The following SPTBN4 variants were observed in gnomAD, a reference collection of about 807,000 sequenced individuals.
SPTBN4 encodes the protein spectrin beta, non-erythrocytic 4, also known as spectrin beta chain, non-erythrocytic 4.
Under a neutral mutation model 277.8 loss-of-function variants are expected in SPTBN4, and 96 were observed. The observed-to-expected ratio is 0.35, with a 90% confidence interval of 0.29 to 0.41. The LOEUF is 0.41. Among genes scored for constraint, SPTBN4 ranks in the 10% least tolerant of loss-of-function variants. The pLI is 1.00. For missense variants in SPTBN4, 3,006 were observed against 3,595.7 expected, an observed-to-expected ratio of 0.84 and a Z score of 4.19; for synonymous variants, 1,481 against 1,580.3, an observed-to-expected ratio of 0.94 and a Z score of 1.49.
In SPTBN4 at chr19:40,499,563, A is replaced by AT. The variant is rs1026469535; in HGVS notation, c.784+1972dup. Among the ~76,000 whole-genome samples, 757 of 140,450 alleles carry AT rather than the reference A, an allele frequency of 5.4e-3. 7 individuals carry two copies. Among genetic ancestry groups the AT allele is most frequent in the African/African-American group, 0.017 (636 of 38,448 alleles). The allele number at this position is 140,450 out of a possible 152,430, so 92.1% of individuals were successfully genotyped here. ...CACGACCATGCTCAGCTAATTTTTG[A>AT]TTTTTTTTTTTTTGGTAGAGGTGGG... On this transcript the variant is annotated intron_variant, in intron 7 of 35. Transcript: ENST00000598249.
At chr19:40,550,365 T>A in intron 22 of SPTBN4, 38 bp downstream of exon 22, 1 of 1,585,036 alleles carries the variant, frequency 6.3e-7, no homozygotes, top group Non-Finnish European at 8.6e-7. Context: ...TTAGGACATT[T>A]GGATACATGT....
At chr19:40,530,480 C>G (rs1235522652) in intron 18 of SPTBN4, 1 of 978,522 alleles carries the variant, frequency 1.0e-6, no homozygotes, top group Non-Finnish European at 1.2e-6. Flanking sequence ...AGGGGGCGCG[C>G]GGCCGCCGGA....
intron 33 of SPTBN4, 119 bp downstream of exon 33, chr19:40,570,847 A>G: frequency 1.0e-6 from 1 of 999,794 alleles, no homozygotes; most frequent in Non-Finnish European, 1.3e-6. Context: ...AGGTGGCGGT[A>G]GTAGGTGGGG....
intron 16 of SPTBN4, 133 bp downstream of exon 16, chr19:40,520,284 A>T: frequency 1.0e-6 from 1 of 992,288 alleles, no homozygotes; most frequent in Non-Finnish European, 1.3e-6. Context: ...GTGGGAGGTG[A>T]GAGAGTATCC....
Position 40,513,675 on chromosome 19 carries a change from C to T in SPTBN4, c.2765+121C>T, listed in dbSNP as rs559251672. 3.7e-6 allele frequency: 4 copies of T among 1,073,472 alleles called. No homozygotes were observed. In the East Asian group the frequency reaches 1.1e-4, roughly 30 times the overall value. The allele number at this position is 1,073,472 out of a possible 1,614,324, so 66.5% of individuals were successfully genotyped here. A position where few individuals can be genotyped will look rare whatever the true frequency, so the allele number is the denominator to read the frequency against. On this transcript the variant is annotated intron_variant, in intron 14 of 35. Transcript: ENST00000598249. ...CTAGGAGTTCCAATCCCTGCTTCAC[C>T]CATAGCCAGCTTTGTGACAGTTCTG...
intron 30 of SPTBN4, among the ~76,000 whole-genome samples, chr19:40,567,370 C>T (rs950635140): frequency 9.9e-5 from 15 of 151,660 alleles, no homozygotes; most frequent in East Asian, 1.9e-4. Flanking sequence ...GGTGGGGGGA[C>T]ATTAAGGAAG....
At chr19:40,486,746 C>G (rs2080076709) in intron 2 of SPTBN4, among the ~76,000 whole-genome samples, 1 of 152,096 alleles carries the variant, frequency 6.6e-6, no homozygotes, top group African/African-American at 2.4e-5. Flanking sequence ...CCTGTAATCC[C>G]AGCACTTTGG....
chr19:40,530,374 C>T (rs1420499075), intron 18 of SPTBN4: 1 of 336,388 alleles, frequency 3.0e-6, no homozygotes, highest in East Asian at 1.7e-4. Context: ...GGTGGTTCCT[C>T]CTGCACCCCC....
chr19:40,484,665 C>T (rs939505670), intron 2 of SPTBN4, among the ~76,000 whole-genome samples: 1 of 151,870 alleles, frequency 6.6e-6, no homozygotes, highest in Admixed American at 6.6e-5. Flanking sequence ...AGGTGGCTCA[C>T]GCCTGTAATC....
intron 15 of SPTBN4, among the ~76,000 whole-genome samples, chr19:40,518,592 C>T (rs899758949): frequency 3.3e-5 from 5 of 151,908 alleles, no homozygotes; most frequent in Non-Finnish European, 7.4e-5. Context: ...ACCCCCACGC[C>T]CAGCTAATTT....
rs749068938 is a variant in SPTBN4 at position 40,472,642 on chromosome 19, A to T, written c.21A>T (p.Glu7Asp). The T allele has an allele frequency of 6.8e-6, 11 of 1,613,396 alleles. No homozygotes were observed. Among genetic ancestry groups the T allele is most frequent in the South Asian group, 1.1e-5 (1 of 90,978 alleles). The change falls in exon 2 of 36, where the codon GAA becomes GAT. Residue 7 changes from glutamate to aspartate, a missense_variant. This residue lies in a region of SPTBN4 where 78 missense variants were observed against 65.7 expected (regional missense o/e 1.19). Transcript: ENST00000598249. ...CCCCGATGGCGCAGGTACCAGGGGA[A>T]GTGGACAACATGGAGGGCCTGCCTG... MAQVPG[E>D]VDNMEGLPAP...
chr19:40,474,979 C>A (rs1368510267), intron 2 of SPTBN4, among the ~76,000 whole-genome samples: 1 of 152,040 alleles, frequency 6.6e-6, no homozygotes, highest in African/African-American at 2.4e-5. Flanking sequence ...AAATAACCCT[C>A]CCACCTCGGC....
rs60074818 is a variant in SPTBN4, at chr19:40,569,936, CCACACACACACACACACACACACA to C, written c.7026+225_7026+248del. 4.6e-5 allele frequency among the ~76,000 whole-genome samples: 6 copies of C among 131,574 alleles called. No homozygotes were observed. In the East Asian group the frequency reaches 6.5e-4, roughly 14 times the overall value. 86.3% of individuals were successfully genotyped at this position (131,574 alleles called of 152,430 possible). ...TACCTAAGAGACCCCTACTGCCCCT[CCACACACACACACACACACACACA>C]CACACACACACACAGACACACACAC... On this transcript the variant is annotated intron_variant, in intron 32 of 35. Coordinates refer to ENST00000598249, the MANE Select transcript of SPTBN4 (RefSeq NM_020971.3).
chr19:40,572,171 A>G lies in SPTBN4; in HGVS notation c.7472A>G (p.Lys2491Arg). The change falls in exon 34 of 36, where the codon AAG (lysine) becomes AGG (arginine). Residue 2491 changes from lysine to arginine, a missense_variant. Physicochemically the swap from Lys to Arg is conservative, Grantham distance 26. Transcript: ENST00000598249. Reference sequence around the variant, plus strand: ...GAGGTGGCTAGTGACTACAAGAAAAAGAAGCATGTCTTCAAGCTCCAGTGA... The same window carrying G: ...GAGGTGGCTAGTGACTACAAGAAAAGGAAGCATGTCTTCAAGCTCCAGTGA... Reference protein sequence around the residue: ...TSEVASDYKKKKHVFKLQTQD... With the variant: ...TSEVASDYKKRKHVFKLQTQD... 1 of 1,602,198 alleles carries G rather than the reference A, an allele frequency of 6.2e-7. No individual in the cohort carries two copies. The highest frequency in any genetic ancestry group is 8.5e-7 in the Non-Finnish European group (1 of 1,172,816).
chr19:40,506,146 A>G (rs1485939461), intron 12 of SPTBN4, 90 bp from the exon 13 acceptor site: 2 of 1,489,892 alleles, frequency 1.3e-6, no homozygotes, highest in South Asian at 1.3e-5. Flanking sequence ...GTGATGGTGC[A>G]GAGTAGCAGG....
At chr19:40,544,554 TC>T (rs1391794238) in intron 20 of SPTBN4, among the ~76,000 whole-genome samples, 2 of 149,442 alleles carry the variant, frequency 1.3e-5, no homozygotes, top group African/African-American at 5.0e-5. Context: ...TTCAAGTGAT[TC>T]TCCTGCCTCA....
intron 5 of SPTBN4, among the ~76,000 whole-genome samples, chr19:40,493,551 T>G (rs1364634313): frequency 6.6e-6 from 1 of 152,094 alleles, no homozygotes; most frequent in Non-Finnish European, 1.5e-5. Context: ...TTGTTGTTGT[T>G]GTCGTTGTTG....
At chr19:40,488,463 G>T (rs940682347) in intron 3 of SPTBN4, among the ~76,000 whole-genome samples, 2 of 152,082 alleles carry the variant, frequency 1.3e-5, no homozygotes, top group African/African-American at 4.8e-5. Flanking sequence ...CTGGAGCCTG[G>T]ATCTCAAGGA....
intron 33 of SPTBN4, among the ~76,000 whole-genome samples, chr19:40,571,387 C>T (rs2081155355): frequency 6.6e-6 from 1 of 152,206 alleles, no homozygotes; most frequent in African/African-American, 2.4e-5. Context: ...AGTCCAGCTC[C>T]TGCTTGTCCA....
Sources: gnomAD v4.1 joint callset for allele counts (sites outside exome capture counted in the v4.1 genomes callset) on GRCh38, gnomAD v4.1.1 for gene constraint, gnomAD v4.1.1 regional missense constraint, MANE v1.5 for transcripts, NCBI Gene and HGNC (gene_info 2026-07-23, HGNC 2026-07-21) for gene names.